Variants in TOX observed in about 807,000 individuals in gnomAD.
TOX encodes the protein thymocyte selection-associated high mobility group box protein TOX.
In TOX, 11 loss-of-function variants were observed where a neutral mutation model predicts 53.7. The ratio of observed to expected loss-of-function variants is 0.20; its 90% CI spans 0.13 to 0.34. The LOEUF (loss-of-function observed/expected upper bound fraction) is 0.34, where lower values mean the gene tolerates loss of function less well. Among genes scored for constraint, TOX ranks in the 10% least tolerant of loss-of-function variants. The pLI, the probability that TOX is intolerant of heterozygous loss-of-function variation, is 1.00. For missense variants in TOX, 570 were observed against 664.6 expected (o/e 0.86, Z 1.56); for synonymous variants, 225 against 245.3 (o/e 0.92, Z 0.77).
At chr8:58,818,577 A>G (rs1810219937) in intron 6 of TOX, among the ~76,000 whole-genome samples, 1 of 152,132 alleles carries the variant, frequency 6.6e-6, no homozygotes, top group Non-Finnish European at 1.5e-5. Context: ...ATAGTGCAAA[A>G]TACATAAAAA....
At chr8:58,808,295 T>C (rs1157433039) in intron 7 of TOX, 26 bp from the exon 8 acceptor site, 2 of 1,591,436 alleles carry the variant, frequency 1.3e-6, no homozygotes, top group African/African-American at 2.7e-5. Context: ...AGTCCGCAAA[T>C]AAGGATCAAA....
rs557578013 is a variant in TOX at position 59,107,050 on chromosome 8, G to C, written c.102+11836C>G. 4.5e-5 allele frequency among the ~76,000 whole-genome samples: 6 copies of C among 132,370 alleles called. 1 individual carries two copies. In the Admixed American group the frequency reaches 4.7e-4, roughly 10 times the overall value. The allele number at this position is 132,370 out of a possible 152,430, so 86.8% of individuals were successfully genotyped here. ...TGATCTTATAAAGCAGTTTGCTGGG[G>C]GGGGGGGGAACGTGACATTTCTAAT... On this transcript the variant is annotated intron_variant, in intron 1 of 8. Coordinates refer to ENST00000361421, the MANE Select transcript of TOX (RefSeq NM_014729.3).
At chr8:59,022,829 G>T (rs911638712) in intron 1 of TOX, among the ~76,000 whole-genome samples, 8 of 152,164 alleles carry the variant, frequency 5.3e-5, no homozygotes, top group African/African-American at 1.7e-4. Context: ...GCCTGTGGTG[G>T]TCTTGACCGT....
At chr8:58,881,594 C>T (rs1391287909) in intron 3 of TOX, among the ~76,000 whole-genome samples, 10 of 151,920 alleles carry the variant, frequency 6.6e-5, no homozygotes, top group Non-Finnish European at 1.3e-4. Context: ...TGTGGTGGCA[C>T]GTGCCTGTAG....
At chr8:58,969,644 A>G (rs150769062) in intron 1 of TOX, among the ~76,000 whole-genome samples, 5 of 152,292 alleles carry the variant, frequency 3.3e-5, no homozygotes, top group Admixed American at 2.6e-4. Context: ...TATGCATTCA[A>G]TGTATTTCAG....
At chr8:58,892,237 A>C (rs1811571250) in intron 3 of TOX, among the ~76,000 whole-genome samples, 1 of 152,212 alleles carries the variant, frequency 6.6e-6, no homozygotes, top group African/African-American at 2.4e-5. Context: ...GCCTTAATGC[A>C]AAAACAATGA....
At chr8:58,966,898 G>T (rs1812912590) in intron 1 of TOX, among the ~76,000 whole-genome samples, 2 of 140,218 alleles carry the variant, frequency 1.4e-5, no homozygotes, top group East Asian at 2.1e-4. Context: ...TTTTTTAGAT[G>T]GAGTCTTGCT....
chr8:58,988,808 G>A (rs1417326394), intron 1 of TOX, among the ~76,000 whole-genome samples: 1 of 152,150 alleles, frequency 6.6e-6, no homozygotes, highest in Admixed American at 6.5e-5. Flanking sequence ...AGACTTATTT[G>A]ACTTATGGTG....
intron 3 of TOX, among the ~76,000 whole-genome samples, chr8:58,937,560 T>C (rs549597127): frequency 1.5e-4 from 23 of 152,238 alleles, no homozygotes; most frequent in Non-Finnish European, 2.4e-4. Flanking sequence ...TTACTGACAT[T>C]GCATAAGCAT....
intron 5 of TOX, among the ~76,000 whole-genome samples, chr8:58,836,443 T>C (rs753866069): frequency 6.6e-6 from 1 of 152,184 alleles, no homozygotes; most frequent in African/African-American, 2.4e-5. Context: ...TACCCTCTTA[T>C]GGTGAGTGGG....
chr8:58,998,536 T>TATATATAA (rs1554537360), intron 1 of TOX, among the ~76,000 whole-genome samples: 1 of 37,756 alleles, frequency 2.6e-5, no homozygotes, highest in Non-Finnish European at 4.3e-5. Context: ...TATATATATA[T>TATATATAA]ATAAATTTAT....
chr8:58,922,500 T>A (rs1812090343), intron 3 of TOX, among the ~76,000 whole-genome samples: 1 of 152,178 alleles, frequency 6.6e-6, no homozygotes, highest in Non-Finnish European at 1.5e-5. Flanking sequence ...ACTTTTTAAT[T>A]TATTATAGAT....
chr8:58,994,126 C>A (rs985535970), intron 1 of TOX, among the ~76,000 whole-genome samples: 3 of 152,122 alleles, frequency 2.0e-5, no homozygotes, highest in Non-Finnish European at 4.4e-5. Context: ...CTTTGCCAGT[C>A]GTTCCGTGAA....
intron 3 of TOX, among the ~76,000 whole-genome samples, chr8:58,928,771 G>C (rs1255959609): frequency 6.6e-6 from 1 of 152,116 alleles, no homozygotes; most frequent in Non-Finnish European, 1.5e-5. Flanking sequence ...TGCAGAGAGA[G>C]TTATCTTTCA....
chr8:58,841,191 T>C (rs944603916), intron 4 of TOX, among the ~76,000 whole-genome samples: 5 of 152,228 alleles, frequency 3.3e-5, no homozygotes, highest in Non-Finnish European at 5.9e-5. Context: ...TCAAAGATAT[T>C]TCAAACTTAA....
At chr8:58,979,858 C>T (rs1171494616) in intron 1 of TOX, among the ~76,000 whole-genome samples, 1 of 152,202 alleles carries the variant, frequency 6.6e-6, no homozygotes, top group Non-Finnish European at 1.5e-5. Flanking sequence ...GTGCCTATCT[C>T]ATGGGTCATT....
At chr8:58,940,786 G>A (rs930761303) in intron 2 of TOX, among the ~76,000 whole-genome samples, 2 of 152,128 alleles carry the variant, frequency 1.3e-5, no homozygotes, top group African/African-American at 2.4e-5. Flanking sequence ...GTGTCCAAGC[G>A]CCTGGGGTTA....
chr8:59,039,515 C>A (rs894572626), intron 1 of TOX, among the ~76,000 whole-genome samples: 1 of 152,182 alleles, frequency 6.6e-6, no homozygotes, highest in South Asian at 2.1e-4. Context: ...TTTACATCTT[C>A]ATTATTTCCC....
intron 3 of TOX, among the ~76,000 whole-genome samples, chr8:58,874,990 G>T (rs146495138): frequency 6.6e-6 from 1 of 152,254 alleles, no homozygotes; most frequent in Non-Finnish European, 1.5e-5. Flanking sequence ...CATGTGGCCT[G>T]TGGGCCATGG....
Sources: gnomAD v4.1 joint callset for allele counts (sites outside exome capture counted in the v4.1 genomes callset) on GRCh38, gnomAD v4.1.1 for gene constraint, MANE v1.5 for transcripts, NCBI Gene and HGNC (gene_info 2026-07-23, HGNC 2026-07-21) for gene names.